CLEC12A: variants seen among roughly 807,000 people sequenced by gnomAD.
The protein encoded by CLEC12A is C-type lectin domain family 12 member A.
CLEC12A carries 22 observed loss-of-function variants against 26.5 expected under a neutral mutation model. That is an observed-to-expected ratio of 0.83 (90% CI 0.59 to 1.19). The LOEUF (loss-of-function observed/expected upper bound fraction) is 1.19, where lower values mean the gene tolerates loss of function less well. CLEC12A is among the 50% of genes most tolerant of loss of function. The pLI is 0.00. For synonymous variants in CLEC12A, 119 were observed against 101.9 expected (o/e 1.17, Z -1.01); for missense variants, 353 against 315.6 (o/e 1.12, Z -0.90).
downstream of CLEC12A, chr12:9,996,852 G>A: frequency 6.2e-7 from 1 of 1,613,946 alleles, no homozygotes; most frequent in Non-Finnish European, 8.5e-7. Flanking sequence ...TTACCACAAT[G>A]TTCCGGTTGT....
downstream of CLEC12A, chr12:9,998,345 C>G (rs2137245159): frequency 1.9e-6 from 3 of 1,614,032 alleles, no homozygotes; most frequent in East Asian, 4.5e-5. Flanking sequence ...AGAATCAAAG[C>G]CATCACACGC....
At chr12:9,977,800 A>G (rs571039262) in intron 1 of CLEC12A, among the ~76,000 whole-genome samples, 4 of 152,284 alleles carry the variant, frequency 2.6e-5, no homozygotes, top group Admixed American at 6.5e-5. Flanking sequence ...GCTCACTTTG[A>G]TATTGTTAGC....
chr12:9,998,321 C>T (rs150507224), downstream of CLEC12A: 1,289 of 1,613,514 alleles, frequency 8.0e-4, 4 homozygotes, highest in Middle Eastern at 5.1e-3. Flanking sequence ...ACCATCCCCA[C>T]GCACAGGATC....
At position 9,971,516 on chromosome 12, in the gene CLEC12A, C is replaced by A; in HGVS notation, c.-81C>A. 1 of 1,518,468 alleles carries A rather than the reference C, an allele frequency of 6.6e-7. No individual in the cohort carries two copies. The highest frequency in any genetic ancestry group is 1.3e-5 in the South Asian group (1 of 76,090). The allele number at this position is 1,518,468 out of a possible 1,614,324, so 94.1% of individuals were successfully genotyped here. ...TAAACAGAAGTTTAAAATTATAGGT[C>A]CTGTTTAACATTCAGCTCTGTTAAC... On this transcript the variant is annotated 5_prime_UTR_variant, in exon 1 of 6. Transcript: ENST00000304361.
chr12:10,004,740 G>T, the CLEC12A span, among the ~76,000 whole-genome samples: 1 of 151,964 alleles, frequency 6.6e-6, no homozygotes, highest in Non-Finnish European at 1.5e-5. Context: ...GGTGGGGCAC[G>T]TGCCAGGGAA....
At chr12:9,968,483 A>T (rs888765014), upstream of CLEC12A, among the ~76,000 whole-genome samples, 3 of 152,192 alleles carry the variant, frequency 2.0e-5, no homozygotes, top group African/African-American at 7.2e-5. Flanking sequence ...CAAGGTGCTC[A>T]ATAGGGGAGC....
intron 5 of CLEC12A, among the ~76,000 whole-genome samples, chr12:9,982,462 T>G (rs1421772844): frequency 6.6e-6 from 1 of 152,104 alleles, no homozygotes; most frequent in African/African-American, 2.4e-5. Flanking sequence ...CAAAGATGAA[T>G]GAAATATTGA....
At chr12:9,969,425 C>A (rs1020829481), upstream of CLEC12A, among the ~76,000 whole-genome samples, 2 of 152,152 alleles carry the variant, frequency 1.3e-5, no homozygotes, top group African/African-American at 2.4e-5. Flanking sequence ...CTGTGAAGGG[C>A]AAACCATGTA....
At chr12:9,956,011 G>C (rs1406267336) in intron 1 of CLEC12A, among the ~76,000 whole-genome samples, 1 of 152,192 alleles carries the variant, frequency 6.6e-6, no homozygotes, top group Non-Finnish European at 1.5e-5. Flanking sequence ...AGTTGAAGGA[G>C]ATAGTTTCAT....
downstream of CLEC12A, among the ~76,000 whole-genome samples, chr12:9,988,739 A>G (rs1864826396): frequency 6.6e-6 from 1 of 152,190 alleles, no homozygotes; most frequent in Non-Finnish European, 1.5e-5. Flanking sequence ...GATGTGGAGA[A>G]ATAGGAACAC....
At chr12:9,966,818 C>T (rs550961928), upstream of CLEC12A, among the ~76,000 whole-genome samples, 28 of 116,042 alleles carry the variant, frequency 2.4e-4, 1 homozygote, top group African/African-American at 6.5e-4. Flanking sequence ...GAGAATAAGA[C>T]GGCCTTTTGA....
chr12:9,968,355 A>G (rs1472963279), upstream of CLEC12A, among the ~76,000 whole-genome samples: 1 of 151,238 alleles, frequency 6.6e-6, no homozygotes, highest in East Asian at 2.0e-4. Flanking sequence ...AGGTGGGCTG[A>G]GTCTGCAAAG....
At chr12:9,966,508 G>A (rs1863956357), upstream of CLEC12A, among the ~76,000 whole-genome samples, 1 of 152,126 alleles carries the variant, frequency 6.6e-6, no homozygotes, top group African/African-American at 2.4e-5. Context: ...CTGGCCAGGT[G>A]GCCAGATTTC....
At chr12:9,994,002 A>G (rs1268625180) in intron 4 of CLEC12A, among the ~76,000 whole-genome samples, 1 of 152,170 alleles carries the variant, frequency 6.6e-6, no homozygotes, top group Non-Finnish European at 1.5e-5. Flanking sequence ...TAAGAAGCCC[A>G]CAAAAAATAG....
Position 9,993,148 on chromosome 12 carries a change from G to A in CLEC12A, n.1005-1870G>A, listed in dbSNP as rs751824512. The A allele has an allele frequency of 1.9e-6, 3 of 1,608,946 alleles. No homozygotes were observed. The highest frequency in any genetic ancestry group is 2.7e-5 in the African/African-American group (2 of 74,744). On this transcript the variant is annotated intron_variant and non_coding_transcript_variant, in intron 4 of 4. Transcript: ENST00000449959. ...ATCCTGTCCACCTCTTTGCATTAAG[G>A]TAGTTGGTCCACCTTGGTCATGCCA... is the stretch of plus-strand genomic sequence containing the variant.
chr12:9,965,856 A>C (rs1863931350), intron 1 of CLEC12A, among the ~76,000 whole-genome samples: 1 of 151,912 alleles, frequency 6.6e-6, no homozygotes, highest in East Asian at 1.9e-4. Flanking sequence ...TTTTAATGGG[A>C]TGGTAAGGGG....
At chr12:9,962,978 G>A (rs1169314110) in intron 1 of CLEC12A, among the ~76,000 whole-genome samples, 3 of 152,188 alleles carry the variant, frequency 2.0e-5, no homozygotes, top group African/African-American at 7.2e-5. Flanking sequence ...GGGATTAGGG[G>A]CGATGTGGGA....
At chr12:9,994,972 A>T in intron 4 of CLEC12A, 1 of 1,503,348 alleles carries the variant, frequency 6.7e-7, no homozygotes, top group Non-Finnish European at 8.9e-7. Context: ...AATGGGAGAG[A>T]GGGGAAAGAA....
chr12:9,955,063 G>C (rs1057467761), intron 1 of CLEC12A, among the ~76,000 whole-genome samples: 4 of 152,060 alleles, frequency 2.6e-5, no homozygotes, highest in Non-Finnish European at 5.9e-5. Context: ...TGCATTATTG[G>C]TGCAAGTATC....
Sources: allele counts gnomAD v4.1 joint callset (sites outside exome capture counted in the v4.1 genomes callset), GRCh38; gene constraint gnomAD v4.1.1; transcripts MANE v1.5; gene names NCBI Gene and HGNC (gene_info 2026-07-23, HGNC 2026-07-21).